Variants in AP2A1 observed in about 807,000 individuals in gnomAD.
AP2A1 encodes the protein adaptor related protein complex 2 subunit alpha 1, also known as AP-2 complex subunit alpha-1.
A neutral mutation model predicts 107.3 loss-of-function variants in AP2A1; 21 were observed. The observed-to-expected ratio is 0.20, with a 90% CI of 0.14 to 0.28. The LOEUF is 0.28. Among genes scored for constraint, AP2A1 ranks in the 10% least tolerant of loss-of-function variants. The pLI, the probability that AP2A1 is intolerant of heterozygous loss-of-function variation, is 1.00. For synonymous variants in AP2A1, 602 were observed against 564.8 expected, an observed-to-expected ratio of 1.07 and a Z score of -0.93; for missense variants, 873 against 1,307.7, an observed-to-expected ratio of 0.67 and a Z score of 5.13.
chr19:49,781,971 G>A lies in AP2A1; in HGVS notation c.161G>A (p.Ser54Asn). 6.2e-7 allele frequency: 1 copy of A among 1,612,742 alleles called. No individual in the cohort carries two copies. Among genetic ancestry groups the A allele is most frequent in the Non-Finnish European group, 8.5e-7 (1 of 1,179,336 alleles). ...GGAGACAAAGCCTTGGATGGCTACA[G>A]TAAGAAAAAATATGTGTGTAAACTG... ...FKGDKALDGYSKKKYVCKLLF... is the reference protein window; with the variant it reads ...FKGDKALDGYNKKKYVCKLLF... Residue 54 changes from serine (S) to asparagine (N), a missense_variant, in exon 3 of 23, where the codon AGT (serine) becomes AAT (asparagine). Ser to Asn is a conservative substitution (Grantham distance 46). Around this residue, in one of 4 missense-constraint regions of AP2A1, gnomAD observed 87 missense variants for 178.2 expected, o/e 0.49. Coordinates refer to ENST00000354293, the MANE Select transcript of AP2A1 (RefSeq NM_130787.3).
In AP2A1 at chr19:49,805,953, C is replaced by T. The variant is rs1262323356; in HGVS notation, c.2655+12C>T. ...TTACTAAGGCCAAGGTGAGAGACCGCGGGCGTGTTTGCCGGCCTATGGCTG... is the reference window on the plus strand; with the variant it reads ...TTACTAAGGCCAAGGTGAGAGACCGTGGGCGTGTTTGCCGGCCTATGGCTG... On this transcript the variant is annotated intron_variant, in intron 21 of 22. Coordinates refer to ENST00000354293, the MANE Select transcript of AP2A1 (RefSeq NM_130787.3). The T allele has an allele frequency of 1.2e-6, 2 of 1,613,728 alleles. No homozygotes were observed. The highest frequency in any genetic ancestry group is 1.7e-6 in the Non-Finnish European group (2 of 1,179,888).
chr19:49,806,085 T>C, intron 21 of AP2A1, 34 bp from the exon 22 acceptor site: 1 of 1,584,906 alleles, frequency 6.3e-7, no homozygotes. Flanking sequence ...CTAACAGCTC[T>C]GGCACACTCT....
chr19:49,791,788 C>T (rs1017541097), intron 4 of AP2A1, 147 bp from the exon 5 acceptor site: 9 of 1,017,614 alleles, frequency 8.8e-6, no homozygotes, highest in Admixed American at 4.7e-5. Flanking sequence ...GTGAGGTCAG[C>T]GCCAGACTGG....
rs555233514 is a variant in AP2A1 at position 49,800,819 on chromosome 19, T to G, written c.1456-142T>G. Reference sequence around the variant, plus strand: ...GTGAGCTTGGGCCCGTCACTCAACCTTTCTGTGACTCAGTTTCCCACCTAT... The same window carrying G: ...GTGAGCTTGGGCCCGTCACTCAACCGTTCTGTGACTCAGTTTCCCACCTAT... On this transcript the variant is annotated intron_variant, in intron 11 of 22. Transcript: ENST00000354293. 3.0e-4 allele frequency: 191 copies of G among 638,834 alleles called. No homozygotes were observed. In the African/African-American group the frequency reaches 3.0e-3, roughly 10 times the overall value. 39.6% of individuals were successfully genotyped at this position (638,834 alleles called of 1,614,324 possible).
chr19:49,775,521 G>T (rs1307263184), intron 1 of AP2A1, among the ~76,000 whole-genome samples: 3 of 152,122 alleles, frequency 2.0e-5, no homozygotes, highest in South Asian at 2.1e-4. Context: ...TGCCATGTTG[G>T]CCAGGCTGGT....
intron 1 of AP2A1, among the ~76,000 whole-genome samples, chr19:49,775,339 G>A (rs973888893): frequency 1.3e-5 from 2 of 152,062 alleles, no homozygotes; most frequent in Admixed American, 6.6e-5. Context: ...TTTTTGAGAT[G>A]GAGTCTTGCT....
intron 18 of AP2A1, chr19:49,803,817 C>T (rs911360614): frequency 5.0e-6 from 1 of 201,762 alleles, no homozygotes; most frequent in African/African-American, 2.3e-5. Context: ...TCCTCTTCCT[C>T]ATAGGGTTAT....
At chr19:49,802,772 C>T (rs2073306753) in intron 15 of AP2A1, 177 bp from the exon 16 acceptor site, 1 of 1,009,996 alleles carries the variant, frequency 9.9e-7, no homozygotes, top group South Asian at 1.6e-5. Context: ...GGCCAGGGTT[C>T]TATTCCCATT....
chr19:49,805,538 G>T lies in AP2A1; in HGVS notation c.2430G>T (p.Arg810=). 1 of 1,576,960 alleles carries T rather than the reference G, an allele frequency of 6.3e-7. No individual in the cohort carries two copies. The highest frequency in any genetic ancestry group is 8.6e-7 in the Non-Finnish European group (1 of 1,162,414). ...VQQVLNIECL[R]DFLTPPLLSV... is the part of the protein sequence containing the mutation. ...AGGTGCTCAATATCGAGTGCCTGCG[G>T]GACTTCCTGACGCCCCCGCTGCTGT... The change falls in exon 19 of 23, where the codon CGG becomes CGT. Residue 810 remains arginine (R), a synonymous_variant. Transcript: ENST00000354293.
intron 4 of AP2A1, 56 bp downstream of exon 4, chr19:49,782,780 C>G (rs2084693369): frequency 2.0e-6 from 3 of 1,511,550 alleles, no homozygotes; most frequent in South Asian, 1.2e-5. Flanking sequence ...GAGTCCCAGC[C>G]AAGTGTGAGG....
At position 49,805,592 on chromosome 19, in the gene AP2A1, C is replaced by T. The variant is rs763667047; in HGVS notation, c.2468+16C>T. On this transcript the variant is annotated intron_variant, in intron 19 of 22. Transcript: ENST00000354293. The stretch of plus-strand genomic sequence containing the variant: ...TGCGCTTCCGGTGAGTCAGGTACGG[C>T]GCGGCCGGTGGGCGGAGCCTCCGGG... 8 of 1,564,636 alleles carry T rather than the reference C, an allele frequency of 5.1e-6. No homozygotes were observed. Among genetic ancestry groups the T allele is most frequent in the South Asian group, 1.2e-5 (1 of 85,206 alleles).
chr19:49,781,834 G>C lies in AP2A1; in HGVS notation c.136+9G>C, dbSNP rs564525601. The C allele has an allele frequency of 3.1e-6, 5 of 1,610,636 alleles. No individual in the cohort carries two copies. In the African/African-American group the frequency reaches 5.3e-5, roughly 17 times the overall value. ...CCGCTCCAAGTTCAAAGGTAGGCTGGGGGCCCAACTTCTGGTTCTGAGGGA... is the reference window on the plus strand; with the variant it reads ...CCGCTCCAAGTTCAAAGGTAGGCTGCGGGCCCAACTTCTGGTTCTGAGGGA... On this transcript the variant is annotated intron_variant, in intron 2 of 22. Transcript: ENST00000354293.
At chr19:49,774,826 G>A (rs2084601001) in intron 1 of AP2A1, among the ~76,000 whole-genome samples, 1 of 151,958 alleles carries the variant, frequency 6.6e-6, no homozygotes, top group South Asian at 2.1e-4. Context: ...GGCTGAGGCA[G>A]GAGAATCGCT....
chr19:49,789,703 G>T (rs1026907074), intron 4 of AP2A1, among the ~76,000 whole-genome samples: 1 of 151,762 alleles, frequency 6.6e-6, no homozygotes, highest in Non-Finnish European at 1.5e-5. Flanking sequence ...CAAAGTGTTG[G>T]GATTACAGGT....
At position 49,800,057 on chromosome 19, in the gene AP2A1, C is replaced by T. The variant is rs184250533; in HGVS notation, c.1362C>T (p.Gly454=). 7.9e-5 allele frequency: 127 copies of T among 1,614,032 alleles called. No homozygotes were observed. The highest frequency in any genetic ancestry group is 1.0e-4 in the Non-Finnish European group (118 of 1,179,884). The change falls in exon 11 of 23, where the codon GGC becomes GGT. Residue 454 remains glycine (G), a synonymous_variant. Transcript: ENST00000354293. ...DTILNLIRIA[G]DYVSEEVWYR... ...TCCTCAACCTCATCCGCATTGCGGGCGACTACGTGAGTGAGGAGGTGTGGT... is the reference window on the plus strand; with the variant it reads ...TCCTCAACCTCATCCGCATTGCGGGTGACTACGTGAGTGAGGAGGTGTGGT...
At chr19:49,790,784 C>T (rs569644809) in intron 4 of AP2A1, among the ~76,000 whole-genome samples, 31 of 152,334 alleles carry the variant, frequency 2.0e-4, no homozygotes, top group African/African-American at 7.2e-4. Flanking sequence ...CTTTAAAAAC[C>T]TAAGCCAGAT....
rs1359188768 is a variant in AP2A1, at chr19:49,788,533, G to A, written c.474-3402G>A. Among the ~76,000 whole-genome samples the A allele has an allele frequency of 6.6e-6, 1 of 151,296 alleles. No individual in the cohort carries two copies. The highest frequency in any genetic ancestry group is 2.4e-5 in the African/African-American group (1 of 41,128). On this transcript the variant is annotated intron_variant, in intron 4 of 22. Transcript: ENST00000354293. This position sits in a 1 kb window ranked among gnomAD's most constrained non-coding sequence, Gnocchi z 4.5. ...AGGAGATGTGTGCCGTGGCAGCGAT[G>A]GGAAAGTGGCCCAGAGTCAGGGCTC...
intron 1 of AP2A1, among the ~76,000 whole-genome samples, chr19:49,775,386 C>T (rs1841671972): frequency 6.6e-6 from 1 of 152,170 alleles, no homozygotes; most frequent in Non-Finnish European, 1.5e-5. Flanking sequence ...AGGATCTCAG[C>T]TCACTGCAAC....
chr19:49,772,882 G>T (rs1428395034), intron 1 of AP2A1, among the ~76,000 whole-genome samples: 1 of 151,812 alleles, frequency 6.6e-6, no homozygotes, highest in East Asian at 2.0e-4. Context: ...GGTGCAGAGA[G>T]GGATGGGATC....
Sources: gnomAD v4.1 joint callset for allele counts (sites outside exome capture counted in the v4.1 genomes callset) on GRCh38, gnomAD v4.1.1 for gene constraint, gnomAD v4.1.1 regional missense constraint, Gnocchi (gnomAD v3.1) non-coding constraint, MANE v1.5 for transcripts, NCBI Gene and HGNC (gene_info 2026-07-23, HGNC 2026-07-21) for gene names.